Variants in ZFAT observed in about 807,000 individuals in gnomAD.
ZFAT encodes zinc finger and AT-hook domain containing.
Under a neutral mutation model 117.7 loss-of-function variants are expected in ZFAT, and 64 were observed. The ratio of observed to expected loss-of-function variants is 0.54; its 90% CI spans 0.44 to 0.67. The LOEUF is 0.67. Among genes scored for constraint, ZFAT ranks in the 30% least tolerant of loss-of-function variants. The probability of loss-of-function intolerance (pLI) is 0.00; values close to 1 mark genes in which losing one functional copy is unlikely to be tolerated. For synonymous variants in ZFAT, 679 were observed against 615.0 expected (o/e 1.10, Z -1.54); for missense variants, 1,433 against 1,584.5 (o/e 0.90, Z 1.62).
chr8:134,524,052 T>G (rs1820850026), intron 12 of ZFAT, among the ~76,000 whole-genome samples: 1 of 152,226 alleles, frequency 6.6e-6, no homozygotes, highest in African/African-American at 2.4e-5. Flanking sequence ...GGCATCTAGC[T>G]TCTCCTCAAT....
the ZFAT span, among the ~76,000 whole-genome samples, chr8:134,811,350 G>T: frequency 6.6e-6 from 1 of 152,232 alleles, no homozygotes; most frequent in Admixed American, 6.5e-5. Context: ...AACTCAAAAG[G>T]GTACTCAGTC....
At chr8:134,776,050 T>A in the ZFAT span, among the ~76,000 whole-genome samples, 1 of 152,314 alleles carries the variant, frequency 6.6e-6, no homozygotes, top group African/African-American at 2.4e-5. Context: ...AATAAAGCAT[T>A]ATGGTAAATG....
chr8:134,615,291 A>T (rs979390804), intron 3 of ZFAT, among the ~76,000 whole-genome samples: 1 of 152,116 alleles, frequency 6.6e-6, no homozygotes, highest in African/African-American at 2.4e-5. Context: ...AGTTCAAGTG[A>T]TTCTCGTGCC....
At chr8:134,707,442 T>A (rs1834179548) in intron 1 of ZFAT, among the ~76,000 whole-genome samples, 1 of 151,982 alleles carries the variant, frequency 6.6e-6, no homozygotes, top group African/African-American at 2.4e-5. Flanking sequence ...AAAAAATTAA[T>A]AAGCAATAAT....
At chr8:134,651,260 C>G (rs559462419) in intron 2 of ZFAT, among the ~76,000 whole-genome samples, 60 of 152,240 alleles carry the variant, frequency 3.9e-4, no homozygotes, top group South Asian at 6.2e-4. Flanking sequence ...ATTCAGTAGC[C>G]TAAAAGTGAA....
chr8:134,609,709 G>T (rs1828172734), intron 4 of ZFAT, among the ~76,000 whole-genome samples: 1 of 152,130 alleles, frequency 6.6e-6, no homozygotes, highest in Admixed American at 6.5e-5. Context: ...ATTATACTTT[G>T]AAACACTATT....
At chr8:134,821,384 C>T in the ZFAT span, among the ~76,000 whole-genome samples, 1 of 151,856 alleles carries the variant, frequency 6.6e-6, no homozygotes, top group South Asian at 2.1e-4. Flanking sequence ...AACACAGTAT[C>T]CTAGATAATA....
intron 12 of ZFAT, among the ~76,000 whole-genome samples, chr8:134,527,311 T>C (rs1821095024): frequency 1.3e-5 from 2 of 152,194 alleles, no homozygotes. Flanking sequence ...AGAACTAAGA[T>C]AATAAAACTG....
rs545617213 is a variant in ZFAT at position 134,624,218 on chromosome 8, A to C, written c.448+13243T>G. Among the ~76,000 whole-genome samples, 454 of 140,908 alleles carry C rather than the reference A, an allele frequency of 3.2e-3. 5 individuals are homozygous for C. Among genetic ancestry groups the C allele is most frequent in the African/African-American group, 6.8e-3 (264 of 38,568 alleles). 92.4% of individuals were successfully genotyped at this position (140,908 alleles called of 152,430 possible). On this transcript the variant is annotated intron_variant, in intron 3 of 15. Coordinates refer to ENST00000377838, the MANE Select transcript of ZFAT (RefSeq NM_020863.4). ...CACACACACACACACACACACACAC[A>C]CCCTTAACTCTGATGAGCTTCCCAC...
intron 11 of ZFAT, among the ~76,000 whole-genome samples, chr8:134,538,336 A>T (rs943767064): frequency 3.3e-5 from 5 of 152,260 alleles, no homozygotes; most frequent in Non-Finnish European, 5.9e-5. Flanking sequence ...TGTCCACTGG[A>T]CCTGGCAACC....
chr8:134,758,018 C>G, the ZFAT span, among the ~76,000 whole-genome samples: 2 of 152,216 alleles, frequency 1.3e-5, no homozygotes, highest in African/African-American at 4.8e-5. Context: ...TATATTCTGT[C>G]CTCAACACCA....
At chr8:134,484,269 G>C (rs1413062863) in intron 15 of ZFAT, among the ~76,000 whole-genome samples, 1 of 152,218 alleles carries the variant, frequency 6.6e-6, no homozygotes, top group Admixed American at 6.5e-5. Context: ...CTCTTGGTAG[G>C]CACATAGTAG....
intron 15 of ZFAT, among the ~76,000 whole-genome samples, chr8:134,501,838 G>A (rs145833808): frequency 4.0e-4 from 61 of 152,288 alleles, no homozygotes; most frequent in African/African-American, 1.4e-3. Context: ...CCAGTTATTC[G>A]AGCTTAGAGG....
chr8:134,649,237 TCTTC>T (rs1192830144), intron 2 of ZFAT, among the ~76,000 whole-genome samples: 6 of 150,672 alleles, frequency 4.0e-5, no homozygotes, highest in African/African-American at 7.4e-5. Flanking sequence ...CTGGATACTT[TCTTC>T]CTAAGATAGT....
the ZFAT span, among the ~76,000 whole-genome samples, chr8:134,824,856 C>A: frequency 6.6e-6 from 1 of 152,156 alleles, no homozygotes; most frequent in East Asian, 1.9e-4. Context: ...AGTCAGAATT[C>A]ATGGTTGGAC....
At chr8:134,682,734 G>A (rs4394347) in intron 1 of ZFAT, among the ~76,000 whole-genome samples, 11,707 of 152,082 alleles carry the variant, frequency 0.077, 611 homozygotes, top group African/African-American at 0.15. Context: ...CATATAACTG[G>A]GCAGGCTGGA....
At chr8:134,644,161 G>C (rs1449686465) in intron 2 of ZFAT, among the ~76,000 whole-genome samples, 2 of 152,172 alleles carry the variant, frequency 1.3e-5, no homozygotes, top group African/African-American at 2.4e-5. Context: ...TAGGGGGCCA[G>C]AGTCAACAGC....
chr8:134,739,001 C>T, the ZFAT span, among the ~76,000 whole-genome samples: 3 of 152,136 alleles, frequency 2.0e-5, no homozygotes, highest in African/African-American at 7.2e-5. Context: ...GCAACACCTT[C>T]AGGAGATACA....
At chr8:134,493,755 G>A (rs528069881) in intron 15 of ZFAT, among the ~76,000 whole-genome samples, 113 of 152,284 alleles carry the variant, frequency 7.4e-4, no homozygotes, top group African/African-American at 2.6e-3. Context: ...CTCCCCGGCT[G>A]AGCCAAGCTC....
Sources: gnomAD v4.1 joint callset for allele counts (sites outside exome capture counted in the v4.1 genomes callset) on GRCh38, gnomAD v4.1.1 for gene constraint, MANE v1.5 for transcripts, NCBI Gene and HGNC (gene_info 2026-07-23, HGNC 2026-07-21) for gene names.